Variants in CPAMD8 observed in about 807,000 individuals in gnomAD.
The protein encoded by CPAMD8 is C3 and PZP-like alpha-2-macroglobulin domain-containing protein 8.
In CPAMD8, 146 loss-of-function variants were observed where a neutral mutation model predicts 224.7. That is an observed-to-expected ratio of 0.65 (90% CI 0.57 to 0.75). The LOEUF is 0.75. CPAMD8 is among the 30% of genes least tolerant of loss of function. The probability of loss-of-function intolerance (pLI) is 0.00; values close to 1 mark genes in which losing one functional copy is unlikely to be tolerated. For missense variants in CPAMD8, 2,301 were observed against 2,537.5 expected, an observed-to-expected ratio of 0.91 and a Z score of 2.00; for synonymous variants, 966 against 1,044.6, an observed-to-expected ratio of 0.92 and a Z score of 1.45.
intron 10 of CPAMD8, chr19:17,000,102 A>G (rs897977775): frequency 1.1e-5 from 3 of 263,432 alleles, no homozygotes; most frequent in Admixed American, 5.3e-5. Flanking sequence ...TATATTTTCT[A>G]AAGTCTCTAT....
At chr19:17,026,444 G>T in intron 1 of CPAMD8, 107 bp downstream of exon 1, 1 of 1,208,238 alleles carries the variant, frequency 8.3e-7, no homozygotes, top group Non-Finnish European at 1.1e-6. Context: ...CCAGCCCAGC[G>T]CGGAGGCTGT....
intron 19 of CPAMD8, among the ~76,000 whole-genome samples, chr19:16,954,399 G>A (rs1197042764): frequency 1.3e-5 from 2 of 151,838 alleles, no homozygotes; most frequent in Non-Finnish European, 2.9e-5. Context: ...TGGTAAGATT[G>A]GAACCCTGGT....
At chr19:16,983,292 A>C (rs951756585) in intron 13 of CPAMD8, among the ~76,000 whole-genome samples, 12 of 152,120 alleles carry the variant, frequency 7.9e-5, no homozygotes, top group African/African-American at 2.9e-4. Flanking sequence ...ATCCCAGCCC[A>C]GGAGGCTGAG....
At chr19:16,931,160 A>C (rs1410952135) in intron 23 of CPAMD8, among the ~76,000 whole-genome samples, 3 of 152,162 alleles carry the variant, frequency 2.0e-5, no homozygotes, top group Non-Finnish European at 4.4e-5. Context: ...GAACCCGAGC[A>C]TTCCACCAGA....
At position 16,997,911 on chromosome 19, in the gene CPAMD8, C is replaced by T. The variant is rs1307069639; in HGVS notation, c.868-573G>A. Among the ~76,000 whole-genome samples the T allele has an allele frequency of 5.3e-5, 8 of 152,280 alleles. No homozygotes were observed. In the South Asian group the frequency reaches 8.3e-4, roughly 16 times the overall value. ...CAGGCAACAGAGGGGGCAGCTGAACCTGCTCAGCCTCACTCTGGGGCACCA... is the reference window on the plus strand; with the variant it reads ...CAGGCAACAGAGGGGGCAGCTGAACTTGCTCAGCCTCACTCTGGGGCACCA... On this transcript the variant is annotated intron_variant, in intron 10 of 41. Coordinates refer to ENST00000443236, the MANE Select transcript of CPAMD8 (RefSeq NM_015692.5).
intron 23 of CPAMD8, 60 bp downstream of exon 23, chr19:16,938,335 G>C: frequency 1.1e-6 from 1 of 913,956 alleles, no homozygotes; most frequent in South Asian, 1.7e-5. Flanking sequence ...AAGGGGGAAG[G>C]CCAAAGTCCT....
chr19:16,916,233 C>T (rs761033250), intron 27 of CPAMD8, among the ~76,000 whole-genome samples: 18 of 152,166 alleles, frequency 1.2e-4, no homozygotes, highest in East Asian at 7.8e-4. Flanking sequence ...AGGCAGGTCT[C>T]GAACTCCTGG....
rs1473778055 is a variant in CPAMD8, at chr19:16,898,045, C to T, written c.4849-51G>A. On this transcript the variant is annotated intron_variant, in intron 37 of 41. Coordinates refer to ENST00000443236, the MANE Select transcript of CPAMD8 (RefSeq NM_015692.5). The surrounding 1 kb of genome is among the most constrained non-coding windows in gnomAD (Gnocchi z 4.2). The stretch of plus-strand genomic sequence containing the variant: ...TCGACCCGGGCCAGGAGGCCCGGGG[C>T]GCTGAGCTCAGGCCCAGAACTGGCT... 7.1e-7 allele frequency: 1 copy of T among 1,404,522 alleles called. No homozygotes were observed. The highest frequency in any genetic ancestry group is 1.2e-5 in the South Asian group (1 of 80,748). The allele number at this position is 1,404,522 out of a possible 1,614,324, so 87.0% of individuals were successfully genotyped here. A position where few individuals can be genotyped will look rare whatever the true frequency, so the allele number is the denominator to read the frequency against.
intron 1 of CPAMD8, among the ~76,000 whole-genome samples, chr19:17,025,453 A>C (rs2057054703): frequency 6.6e-6 from 1 of 152,078 alleles, no homozygotes; most frequent in African/African-American, 2.4e-5. Context: ...AACAAACAAC[A>C]AACAAAAACC....
At chr19:16,964,453 A>G (rs2054758451) in intron 18 of CPAMD8, among the ~76,000 whole-genome samples, 1 of 152,214 alleles carries the variant, frequency 6.6e-6, no homozygotes, top group African/African-American at 2.4e-5. Flanking sequence ...AAATGGATAA[A>G]TTCCTGGACA....
intron 26 of CPAMD8, among the ~76,000 whole-genome samples, chr19:16,923,109 G>A (rs903584685): frequency 6.6e-6 from 1 of 152,242 alleles, no homozygotes; most frequent in Non-Finnish European, 1.5e-5. Context: ...CGGGGACAGG[G>A]AACGGAGCAG....
intron 12 of CPAMD8, among the ~76,000 whole-genome samples, chr19:16,990,863 C>CAAAAAAAGAAAAA (rs2055921186): frequency 1.4e-5 from 1 of 73,176 alleles, no homozygotes; most frequent in Non-Finnish European, 2.5e-5. Context: ...AACTCTGTCT[C>CAAAAAAAGAAAAA]AAAAAAAAAA....
intron 16 of CPAMD8, 117 bp downstream of exon 16, chr19:16,975,885 G>A: frequency 8.9e-7 from 1 of 1,129,408 alleles, no homozygotes; most frequent in Non-Finnish European, 1.2e-6. Flanking sequence ...GACGGAGAAA[G>A]CGAATCTGGA....
chr19:17,003,361 C>A (rs1178050954), intron 8 of CPAMD8, among the ~76,000 whole-genome samples: 1 of 151,948 alleles, frequency 6.6e-6, no homozygotes, highest in Non-Finnish European at 1.5e-5. Flanking sequence ...CCACCATGTC[C>A]AGATAATTGT....
intron 30 of CPAMD8, among the ~76,000 whole-genome samples, chr19:16,905,540 C>CAAAA (rs5827346): frequency 2.5e-5 from 2 of 80,388 alleles, no homozygotes; most frequent in African/African-American, 4.6e-5. Context: ...AACTCCGTTT[C>CAAAA]AAAAAAAAAA....
chr19:16,916,178 G>C (rs372530681), intron 27 of CPAMD8, among the ~76,000 whole-genome samples: 1 of 151,912 alleles, frequency 6.6e-6, no homozygotes, highest in African/African-American at 2.4e-5. Context: ...GACATCCAGC[G>C]AATTTTTAAA....
At chr19:16,938,604 A>T (rs1428267435) in intron 22 of CPAMD8, among the ~76,000 whole-genome samples, 158 bp from the exon 23 acceptor site, 1 of 152,156 alleles carries the variant, frequency 6.6e-6, no homozygotes, top group African/African-American at 2.4e-5. Context: ...CACCAAGATC[A>T]CAGGTGCGTG....
In CPAMD8 at chr19:16,993,427, C is replaced by A. The variant is rs751013495; in HGVS notation, c.1255G>T (p.Val419Leu). 4.3e-6 allele frequency: 7 copies of A among 1,613,002 alleles called. No homozygotes were observed. Among genetic ancestry groups the A allele is most frequent in the East Asian group, 4.5e-5 (2 of 44,868 alleles). Reference sequence around the variant, plus strand: ...CGGGACTCACCCACCTCCAGCCACACGTGCTGGGCTGACGTGGGGATGGAG... The same window carrying A: ...CGGGACTCACCCACCTCCAGCCACAAGTGCTGGGCTGACGTGGGGATGGAG... ...IPSIPTSAQH[V>L]WLETKVMALN... Residue 419 changes from valine (V) to leucine (L), a missense_variant, in exon 12 of 42, where the codon GTG becomes TTG. Coordinates refer to ENST00000443236, the MANE Select transcript of CPAMD8 (RefSeq NM_015692.5).
chr19:16,931,342 C>A (rs2053540539), intron 23 of CPAMD8, among the ~76,000 whole-genome samples: 1 of 152,186 alleles, frequency 6.6e-6, no homozygotes, highest in African/African-American at 2.4e-5. Context: ...CTGAGCGCTC[C>A]TCCTAGGCAT....
Sources: allele counts gnomAD v4.1 joint callset (sites outside exome capture counted in the v4.1 genomes callset), GRCh38; gene constraint gnomAD v4.1.1; non-coding constraint Gnocchi (gnomAD v3.1); transcripts MANE v1.5; gene names NCBI Gene and HGNC (gene_info 2026-07-23, HGNC 2026-07-21).